Variants in HCFC2 observed in about 807,000 individuals in gnomAD.
HCFC2 encodes host cell factor 2.
HCFC2 carries 18 observed loss-of-function variants against 89.2 expected under a neutral mutation model. The ratio of observed to expected loss-of-function variants is 0.20; its 90% CI spans 0.14 to 0.30. The LOEUF (loss-of-function observed/expected upper bound fraction) is 0.30, where lower values mean the gene tolerates loss of function less well. Ranked by LOEUF, HCFC2 falls within the 10% of genes least tolerant of loss-of-function variation. The pLI, the probability that HCFC2 is intolerant of heterozygous loss-of-function variation, is 1.00. For missense variants in HCFC2, 578 were observed against 956.1 expected, an observed-to-expected ratio of 0.60 and a Z score of 5.21; for synonymous variants, 308 against 335.7, an observed-to-expected ratio of 0.92 and a Z score of 0.90.
At chr12:104,078,203 G>A (rs1030968607) in intron 3 of HCFC2, among the ~76,000 whole-genome samples, 5 of 152,028 alleles carry the variant, frequency 3.3e-5, no homozygotes, top group African/African-American at 7.2e-5. Context: ...GAGTTTCACC[G>A]TGTTAGCTAG....
chr12:104,086,438 A>G (rs946241160), intron 7 of HCFC2, among the ~76,000 whole-genome samples: 1 of 152,100 alleles, frequency 6.6e-6, no homozygotes, highest in Non-Finnish European at 1.5e-5. Flanking sequence ...AGATAAAATA[A>G]TGTAGCTTTA....
At chr12:104,074,087 A>C (rs1046183238) in intron 3 of HCFC2, among the ~76,000 whole-genome samples, 1 of 152,154 alleles carries the variant, frequency 6.6e-6, no homozygotes, top group Non-Finnish European at 1.5e-5. Flanking sequence ...TCTATCATTA[A>C]TTGTGGCATT....
chr12:104,099,688 C>A (rs1884283999), intron 13 of HCFC2, among the ~76,000 whole-genome samples: 1 of 151,920 alleles, frequency 6.6e-6, no homozygotes, highest in Non-Finnish European at 1.5e-5. Flanking sequence ...TTATTTGAGA[C>A]AGGGTCTTGC....
chr12:104,101,165 G>T (rs927308298), intron 13 of HCFC2, among the ~76,000 whole-genome samples: 2 of 152,088 alleles, frequency 1.3e-5, no homozygotes. Flanking sequence ...ACATTTATTT[G>T]GTGTCTGTTG....
chr12:104,089,920 T>C (rs1883976327), intron 9 of HCFC2, among the ~76,000 whole-genome samples: 1 of 152,174 alleles, frequency 6.6e-6, no homozygotes, highest in African/African-American at 2.4e-5. Context: ...TAGTTTCTTT[T>C]TTCCCCCCTT....
chr12:104,074,739 C>T (rs1235372699), intron 3 of HCFC2, among the ~76,000 whole-genome samples: 1 of 152,012 alleles, frequency 6.6e-6, no homozygotes, highest in East Asian at 1.9e-4. Flanking sequence ...GCGATTTTGC[C>T]TGTATTGTCT....
At chr12:104,067,039 G>A (rs1883171579) in intron 2 of HCFC2, among the ~76,000 whole-genome samples, 1 of 151,774 alleles carries the variant, frequency 6.6e-6, no homozygotes, top group Non-Finnish European at 1.5e-5. Context: ...CCACCCACCT[G>A]GGCCTCCCAA....
Position 104,080,751 on chromosome 12 carries a change from A to G in HCFC2, c.688A>G (p.Met230Val). 1.9e-6 allele frequency: 3 copies of G among 1,593,534 alleles called. No homozygotes were observed. The highest frequency in any genetic ancestry group is 2.6e-6 in the Non-Finnish European group (3 of 1,168,522). ...DDLWQLDLET[M>V]SWSKPETKGT... Reference sequence around the variant, plus strand: ...ATAATTATTTTTACTTTTAGAAACTATGTCATGGTCAAAACCAGAAACTAA... The same window carrying G: ...ATAATTATTTTTACTTTTAGAAACTGTGTCATGGTCAAAACCAGAAACTAA... The change falls in exon 5 of 15, where the codon ATG (methionine) becomes GTG (valine). Residue 230 changes from methionine (M) to valine (V), a missense_variant. This residue lies in a region of HCFC2 where 206 missense variants were observed against 419.2 expected (regional missense o/e 0.49). Coordinates refer to ENST00000229330, the MANE Select transcript of HCFC2 (RefSeq NM_013320.3).
chr12:104,066,449 A>G, intron 2 of HCFC2, 134 bp downstream of exon 2: 1 of 522,284 alleles, frequency 1.9e-6, no homozygotes, highest in Non-Finnish European at 3.0e-6. Flanking sequence ...ATTCAAGTAA[A>G]CTATTATTCA....
At chr12:104,092,689 G>C (rs1051368825) in intron 9 of HCFC2, among the ~76,000 whole-genome samples, 1 of 151,978 alleles carries the variant, frequency 6.6e-6, no homozygotes, top group African/African-American at 2.4e-5. Flanking sequence ...CAGCAGAATT[G>C]CTTGAACACA....
chr12:104,067,938 T>C lies in HCFC2; in HGVS notation c.313-9T>C. The C allele has an allele frequency of 6.4e-7, 1 of 1,573,858 alleles. No individual in the cohort carries two copies. The highest frequency in any genetic ancestry group is 8.6e-7 in the Non-Finnish European group (1 of 1,167,708). ...TGTCTGACTGTATTTGTGCCCTTTT[T>C]TTTTTTAGGCAAGTCGTTGGTTATG... On this transcript the variant is annotated splice_polypyrimidine_tract_variant and intron_variant, in intron 2 of 14. Transcript: ENST00000229330.
intron 3 of HCFC2, among the ~76,000 whole-genome samples, chr12:104,073,077 C>A (rs1566226123): frequency 6.6e-6 from 1 of 151,208 alleles, no homozygotes; most frequent in Non-Finnish European, 1.5e-5. Context: ...AAATGGATTT[C>A]AATTTTTTTA....
Position 104,068,063 on chromosome 12 carries a change from T to G in HCFC2, c.429T>G (p.Gly143=). The G allele has an allele frequency of 6.2e-7, 1 of 1,600,458 alleles. No individual in the cohort carries two copies. The highest frequency in any genetic ancestry group is 1.7e-4 in the Middle Eastern group (1 of 6,024). ...ATGGTAACAAATGCTATTTGTTTGG[T>G]GGCCTGGCAAACGAAAGCGAAGATT... ...SLYGNKCYLF[G]GLANESEDSN... is the part of the protein sequence containing the mutation. The change falls in exon 3 of 15, where the codon GGT becomes GGG. Residue 143 remains glycine (G), a synonymous_variant. Coordinates refer to ENST00000229330, the MANE Select transcript of HCFC2 (RefSeq NM_013320.3). This position sits in a 1 kb window ranked among gnomAD's most constrained non-coding sequence, Gnocchi z 4.1.
chr12:104,069,241 G>A (rs1405465003), intron 3 of HCFC2, among the ~76,000 whole-genome samples: 1 of 152,120 alleles, frequency 6.6e-6, no homozygotes, highest in Non-Finnish European at 1.5e-5. Context: ...GGGAGGTGGA[G>A]GTTGCAGTGA....
At chr12:104,082,468 C>A in intron 5 of HCFC2, 32 bp from the exon 6 acceptor site, 1 of 1,324,994 alleles carries the variant, frequency 7.5e-7, no homozygotes, top group Non-Finnish European at 1.1e-6. Flanking sequence ...ATGAAATAAG[C>A]TACTTTATGT....
At position 104,096,426 on chromosome 12, in the gene HCFC2, C is replaced by T. The variant is rs760006399; in HGVS notation, c.1733C>T (p.Pro578Leu). Residue 578 changes from proline to leucine, a missense_variant, in exon 12 of 15, where the codon CCG becomes CTG. Physicochemically the swap from Pro to Leu is moderately conservative, Grantham distance 98 (BLOSUM62 -3). Transcript: ENST00000229330. The stretch of plus-strand genomic sequence containing the variant: ...GTAGAGACACATGCTACAGCAACGC[C>T]GTTTTCTGTAAGTACATGACCTGGT... ...SRVETHATATPFSKETPSNPV... is the reference protein window; with the variant it reads ...SRVETHATATLFSKETPSNPV... 3 of 1,605,324 alleles carry T rather than the reference C, an allele frequency of 1.9e-6. No individual in the cohort carries two copies. Among genetic ancestry groups the T allele is most frequent in the East Asian group, 2.2e-5 (1 of 44,824 alleles).
chr12:104,097,256 T>C (rs989934829), intron 12 of HCFC2, among the ~76,000 whole-genome samples: 16 of 152,170 alleles, frequency 1.1e-4, no homozygotes, highest in Non-Finnish European at 1.8e-4. Context: ...CATGACTTTA[T>C]GGGTTATGAC....
Position 104,095,627 on chromosome 12 carries a change from C to G in HCFC2, c.1666+64C>G. On this transcript the variant is annotated intron_variant, in intron 11 of 14. Coordinates refer to ENST00000229330, the MANE Select transcript of HCFC2 (RefSeq NM_013320.3). This position sits in a 1 kb window ranked among gnomAD's most constrained non-coding sequence, Gnocchi z 4.2. Reference sequence around the variant, plus strand: ...TATGTATATAAATTCATCAAACTTACTTGTCTTAGATGGGAGTTGCATTTC... The same window carrying G: ...TATGTATATAAATTCATCAAACTTAGTTGTCTTAGATGGGAGTTGCATTTC... 1 of 1,323,694 alleles carries G rather than the reference C, an allele frequency of 7.6e-7. No homozygotes were observed. The highest frequency in any genetic ancestry group is 1.1e-6 in the Non-Finnish European group (1 of 943,610). 82.0% of individuals were successfully genotyped at this position (1,323,694 alleles called of 1,614,324 possible). A position where few individuals can be genotyped will look rare whatever the true frequency, so the allele number is the denominator to read the frequency against.
At chr12:104,070,777 C>T (rs1358519771) in intron 3 of HCFC2, among the ~76,000 whole-genome samples, 2 of 151,540 alleles carry the variant, frequency 1.3e-5, no homozygotes, top group Non-Finnish European at 2.9e-5. Context: ...AATTATCCCA[C>T]CACAGTAATC....
Sources: allele counts gnomAD v4.1 joint callset (sites outside exome capture counted in the v4.1 genomes callset), GRCh38; gene constraint gnomAD v4.1.1; regional missense constraint gnomAD v4.1.1; non-coding constraint Gnocchi (gnomAD v3.1); transcripts MANE v1.5; gene names NCBI Gene and HGNC (gene_info 2026-07-23, HGNC 2026-07-21).